Variants in CORIN observed in about 807,000 individuals in gnomAD.
CORIN encodes atrial natriuretic peptide-converting enzyme.
CORIN carries 117 observed loss-of-function variants against 125.3 expected under a neutral mutation model. The observed-to-expected ratio is 0.93, with a 90% CI of 0.80 to 1.09. The LOEUF (loss-of-function observed/expected upper bound fraction) is 1.09, where lower values mean the gene tolerates loss of function less well. CORIN is among the 50% of genes least tolerant of loss of function. The probability of loss-of-function intolerance (pLI) is 0.00; values close to 1 mark genes in which losing one functional copy is unlikely to be tolerated. For missense variants in CORIN, 1,253 were observed against 1,306.7 expected, an observed-to-expected ratio of 0.96 and a Z score of 0.63; for synonymous variants, 450 against 466.4, an observed-to-expected ratio of 0.96 and a Z score of 0.45.
chr4:47,627,364 A>T (rs1246052003), intron 16 of CORIN, among the ~76,000 whole-genome samples: 1 of 152,186 alleles, frequency 6.6e-6, no homozygotes, highest in Non-Finnish European at 1.5e-5. Flanking sequence ...ACTTTTAAAA[A>T]GGCAAGGAAG....
intron 6 of CORIN, among the ~76,000 whole-genome samples, chr4:47,686,384 A>C (rs911710851): frequency 6.6e-6 from 1 of 152,092 alleles, no homozygotes; most frequent in South Asian, 2.1e-4. Context: ...ATAATTTTCA[A>C]ATAAGGACAG....
In CORIN at chr4:47,594,134, A is replaced by AGT. The variant is rs747924949; in HGVS notation, c.*1586_*1587insAC. The AGT allele has an allele frequency of 2.0e-5, 3 of 152,210 alleles. No homozygotes were observed. Among genetic ancestry groups the AGT allele is most frequent in the African/African-American group, 4.8e-5 (2 of 41,460 alleles). 9.4% of individuals were successfully genotyped at this position (152,210 alleles called of 1,614,324 possible). On this transcript the variant is annotated 3_prime_UTR_variant, in exon 22 of 22. Transcript: ENST00000273857. ...TAGCTACAACTGTAACAAAACTGACATATGTTCTTGAACTTTCATACAATC... is the reference window on the plus strand; with the variant it reads ...TAGCTACAACTGTAACAAAACTGACAGTTATGTTCTTGAACTTTCATACAATC...
At chr4:47,717,494 CT>C (rs1727147454) in intron 5 of CORIN, among the ~76,000 whole-genome samples, 1 of 152,188 alleles carries the variant, frequency 6.6e-6, no homozygotes, top group Admixed American at 6.5e-5. Flanking sequence ...TTCATCCATC[CT>C]TTTTCTTACA....
At chr4:47,769,412 T>C (rs1012493015) in intron 3 of CORIN, among the ~76,000 whole-genome samples, 1 of 152,074 alleles carries the variant, frequency 6.6e-6, no homozygotes, top group African/African-American at 2.4e-5. Context: ...CCTGTATTCA[T>C]GGTTTGGAAG....
intron 5 of CORIN, among the ~76,000 whole-genome samples, chr4:47,718,944 T>C (rs1727226466): frequency 6.6e-6 from 1 of 152,154 alleles, no homozygotes; most frequent in Non-Finnish European, 1.5e-5. Context: ...TCTGAGATAT[T>C]TGTCCTCTTT....
chr4:47,790,839 G>A (rs61756967), intron 2 of CORIN, among the ~76,000 whole-genome samples: 140 of 152,140 alleles, frequency 9.2e-4, no homozygotes, highest in Non-Finnish European at 1.6e-3. Context: ...TGGCTTTTTC[G>A]TGCTAAATTA....
At chr4:47,618,979 T>C (rs1270093293) in intron 19 of CORIN, among the ~76,000 whole-genome samples, 1 of 152,130 alleles carries the variant, frequency 6.6e-6, no homozygotes, top group Non-Finnish European at 1.5e-5. Flanking sequence ...GTATGGGTTG[T>C]GGTCATATAG....
At chr4:47,820,079 C>T (rs1229875889) in intron 1 of CORIN, among the ~76,000 whole-genome samples, 1 of 152,106 alleles carries the variant, frequency 6.6e-6, no homozygotes, top group African/African-American at 2.4e-5. Context: ...ACTTTCCTCC[C>T]CTCCCGACAC....
chr4:47,662,199 G>A (rs1724281685), intron 11 of CORIN, among the ~76,000 whole-genome samples: 1 of 152,142 alleles, frequency 6.6e-6, no homozygotes, highest in Non-Finnish European at 1.5e-5. Context: ...GTTCCAAACA[G>A]GGAAGTCTCC....
chr4:47,814,106 T>C (rs1369171724), intron 1 of CORIN, among the ~76,000 whole-genome samples: 1 of 152,128 alleles, frequency 6.6e-6, no homozygotes, highest in African/African-American at 2.4e-5. Context: ...ACCTTAATTC[T>C]TTAGGTAGGA....
In CORIN at chr4:47,683,857, A is replaced by G; in HGVS notation, c.914-19T>C. On this transcript the variant is annotated intron_variant, in intron 6 of 21. Coordinates refer to ENST00000273857, the MANE Select transcript of CORIN (RefSeq NM_006587.4). ...CTGCAGTCTGCAAATAAAAGAAGCCACCAGTGTGTCATCAGAGCCATACAG... is the reference window on the plus strand; with the variant it reads ...CTGCAGTCTGCAAATAAAAGAAGCCGCCAGTGTGTCATCAGAGCCATACAG... The G allele has an allele frequency of 6.4e-7, 1 of 1,573,506 alleles. No homozygotes were observed. Among genetic ancestry groups the G allele is most frequent in the East Asian group, 2.2e-5 (1 of 44,664 alleles).
intron 19 of CORIN, among the ~76,000 whole-genome samples, chr4:47,623,090 C>CTATA (rs1455350290): frequency 2.6e-5 from 3 of 114,946 alleles, no homozygotes; most frequent in South Asian, 3.0e-4. Flanking sequence ...CTCTCTCTCT[C>CTATA]TCTCTCTATA....
intron 5 of CORIN, among the ~76,000 whole-genome samples, chr4:47,742,345 G>C (rs557730743): frequency 1.8e-4 from 28 of 151,738 alleles, no homozygotes; most frequent in Non-Finnish European, 3.8e-4. Context: ...GAAATAAATT[G>C]TCATTATTTT....
chr4:47,614,927 G>A (rs759174144), intron 19 of CORIN, among the ~76,000 whole-genome samples: 4 of 152,162 alleles, frequency 2.6e-5, no homozygotes, highest in Admixed American at 2.6e-4. Flanking sequence ...CGGGCACTTA[G>A]AAGTAAAAAA....
intron 2 of CORIN, among the ~76,000 whole-genome samples, chr4:47,795,425 CTT>C (rs2109932572): frequency 6.6e-6 from 1 of 152,116 alleles, no homozygotes; most frequent in South Asian, 2.1e-4. Flanking sequence ...TATTAAATGT[CTT>C]TTCATTTATT....
At chr4:47,606,821 T>TG (rs1721670069) in intron 19 of CORIN, among the ~76,000 whole-genome samples, 1 of 152,130 alleles carries the variant, frequency 6.6e-6, no homozygotes, top group Non-Finnish European at 1.5e-5. Context: ...ATAAGTGCAT[T>TG]ACCATCTGAG....
chr4:47,604,444 T>C (rs577841898), intron 19 of CORIN, among the ~76,000 whole-genome samples: 5 of 152,326 alleles, frequency 3.3e-5, no homozygotes, highest in African/African-American at 9.6e-5. Flanking sequence ...AGCTCTGTCC[T>C]TTCCCTGAGC....
chr4:47,598,556 A>C (rs1285549331), intron 21 of CORIN, among the ~76,000 whole-genome samples: 1 of 152,158 alleles, frequency 6.6e-6, no homozygotes, highest in Non-Finnish European at 1.5e-5. Flanking sequence ...GCAACTGCCA[A>C]GAGATGATCT....
intron 7 of CORIN, chr4:47,683,036 T>A (rs1162775576): frequency 2.0e-5 from 3 of 152,258 alleles, no homozygotes; most frequent in Admixed American, 2.0e-4. Flanking sequence ...TGTATCCTCA[T>A]CCCAGTTTGC....
Sources: allele counts gnomAD v4.1 joint callset (sites outside exome capture counted in the v4.1 genomes callset), GRCh38; gene constraint gnomAD v4.1.1; transcripts MANE v1.5; gene names NCBI Gene and HGNC (gene_info 2026-07-23, HGNC 2026-07-21).